Variants in RBFOX3 observed in about 807,000 individuals in gnomAD.
The protein encoded by RBFOX3 is RNA binding fox-1 homolog 3, also known as RNA binding protein fox-1 homolog 3.
A neutral mutation model predicts 48.7 loss-of-function variants in RBFOX3; 17 were observed. The ratio of observed to expected loss-of-function variants is 0.35; its 90% CI spans 0.24 to 0.52. The LOEUF (loss-of-function observed/expected upper bound fraction) is 0.52, where lower values mean the gene tolerates loss of function less well. RBFOX3 is among the 20% of genes least tolerant of loss of function. The pLI, the probability that RBFOX3 is intolerant of heterozygous loss-of-function variation, is 0.94. For synonymous variants in RBFOX3, 212 were observed against 209.5 expected, an observed-to-expected ratio of 1.01 and a Z score of -0.10; for missense variants, 382 against 497.5, an observed-to-expected ratio of 0.77 and a Z score of 2.21.
chr17:79,517,771 G>A (rs944411039), intron 1 of RBFOX3, among the ~76,000 whole-genome samples: 25 of 152,204 alleles, frequency 1.6e-4, no homozygotes, highest in African/African-American at 4.8e-4. Flanking sequence ...CGGTAACATC[G>A]ACGGAAACAT....
chr17:79,617,942 C>A, the RBFOX3 span, among the ~76,000 whole-genome samples: 1 of 152,244 alleles, frequency 6.6e-6, no homozygotes, highest in Non-Finnish European at 1.5e-5. Flanking sequence ...TGCGATGTCA[C>A]ATGTGCACCT....
intron 4 of RBFOX3, among the ~76,000 whole-genome samples, chr17:79,146,838 C>T (rs1276444777): frequency 6.6e-6 from 1 of 152,198 alleles, no homozygotes; most frequent in East Asian, 1.9e-4. Context: ...CTCAACCTCA[C>T]CATGAGGAGG....
intron 5 of RBFOX3, 69 bp from the exon 6 acceptor site, chr17:79,106,857 G>T: frequency 6.9e-7 from 1 of 1,448,506 alleles, no homozygotes; most frequent in Non-Finnish European, 9.0e-7. Flanking sequence ...TCTGCTAAAG[G>T]GTCGGCAGAG....
rs2055332791 is a variant in RBFOX3, at chr17:79,195,150, C to T, written c.-34+40616G>A. ...GTGGCTGATGCCTGTAATCCCGGCA[C>T]TTTGGGAGGCTGAGGCAGGTGGATC... On this transcript the variant is annotated intron_variant, in intron 4 of 14. Transcript: ENST00000693108. The surrounding 1 kb of genome is among the most constrained non-coding windows in gnomAD (Gnocchi z 5.3). 6.6e-6 allele frequency among the ~76,000 whole-genome samples: 1 copy of T among 152,096 alleles called. No homozygotes were observed. Among genetic ancestry groups the T allele is most frequent in the Non-Finnish European group, 1.5e-5 (1 of 68,032 alleles).
At chr17:79,499,973 G>A (rs1276720623) in intron 1 of RBFOX3, among the ~76,000 whole-genome samples, 1 of 152,220 alleles carries the variant, frequency 6.6e-6, no homozygotes, top group Non-Finnish European at 1.5e-5. Flanking sequence ...ATGAATCTGG[G>A]CCTGCCGTGG....
At chr17:79,164,121 G>T (rs1312752923) in intron 4 of RBFOX3, among the ~76,000 whole-genome samples, 1 of 152,200 alleles carries the variant, frequency 6.6e-6, no homozygotes, top group African/African-American at 2.4e-5. Flanking sequence ...CTCAAGGTTT[G>T]GGATGGGGGA....
intron 1 of RBFOX3, among the ~76,000 whole-genome samples, chr17:79,520,808 C>T (rs1022939665): frequency 2.8e-4 from 42 of 152,160 alleles, no homozygotes; most frequent in Non-Finnish European, 4.4e-5. Flanking sequence ...CAGCCTCCCC[C>T]GGCAGACACA....
the RBFOX3 span, among the ~76,000 whole-genome samples, chr17:79,629,911 C>A: frequency 6.6e-6 from 1 of 152,162 alleles, no homozygotes; most frequent in African/African-American, 2.4e-5. Context: ...ACTCCCCAGG[C>A]CTCCGAAGCA....
intron 2 of RBFOX3, among the ~76,000 whole-genome samples, chr17:79,442,102 C>T (rs572383964): frequency 2.2e-4 from 33 of 151,304 alleles, no homozygotes; most frequent in Admixed American, 3.9e-4. Context: ...TGACCATCCA[C>T]GGCCCTCTCC....
intron 4 of RBFOX3, among the ~76,000 whole-genome samples, chr17:79,206,753 G>A (rs1486899502): frequency 2.0e-5 from 3 of 152,132 alleles, no homozygotes; most frequent in Non-Finnish European, 2.9e-5. Flanking sequence ...CCTGCGCTGT[G>A]GGCTATGGCA....
In RBFOX3 at chr17:79,392,140, G is replaced by C. The variant is rs1035594817; in HGVS notation, c.-174-84316C>G. Among the ~76,000 whole-genome samples, 1 of 152,144 alleles carries C rather than the reference G, an allele frequency of 6.6e-6. No homozygotes were observed. The highest frequency in any genetic ancestry group is 6.5e-5 in the Admixed American group (1 of 15,280). ...CCTCAGCACCTTCCTCTGTGAAATG[G>C]AGCCAACAACAGCACATCACAGAGC... On this transcript the variant is annotated intron_variant, in intron 2 of 14. Coordinates refer to ENST00000693108, the MANE Select transcript of RBFOX3 (RefSeq NM_001350451.2). The surrounding 1 kb of genome is among the most constrained non-coding windows in gnomAD (Gnocchi z 5.0).
At chr17:79,527,422 G>A (rs1193001376) in intron 1 of RBFOX3, among the ~76,000 whole-genome samples, 1 of 152,226 alleles carries the variant, frequency 6.6e-6, no homozygotes, top group African/African-American at 2.4e-5. Context: ...AAAAGAACCT[G>A]GGGGAGCACG....
chr17:79,109,333 C>T (rs1200263845), intron 5 of RBFOX3, among the ~76,000 whole-genome samples: 5 of 152,176 alleles, frequency 3.3e-5, no homozygotes, highest in African/African-American at 1.2e-4. Context: ...GGATGACAGG[C>T]CTCCGGAGAC....
At chr17:79,306,378 C>G (rs1010470754) in intron 3 of RBFOX3, among the ~76,000 whole-genome samples, 15 of 152,262 alleles carry the variant, frequency 9.9e-5, no homozygotes, top group African/African-American at 3.6e-4. Flanking sequence ...ATGGCCCGCA[C>G]GCGTGTGACT....
chr17:79,415,605 C>T (rs8082300), intron 2 of RBFOX3, among the ~76,000 whole-genome samples: 5,942 of 152,294 alleles, frequency 0.039, 170 homozygotes, highest in South Asian at 0.082. Context: ...CTGGGGCCAC[C>T]AGGGCGGGCA....
intron 2 of RBFOX3, among the ~76,000 whole-genome samples, chr17:79,401,297 G>T (rs112732028): frequency 2.2e-4 from 33 of 152,320 alleles, no homozygotes; most frequent in African/African-American, 6.7e-4. Flanking sequence ...TGCTGCTCAC[G>T]CGCCCCACCA....
rs1022994524 is a variant in RBFOX3 at position 79,204,648 on chromosome 17, A to G, written c.-34+31118T>C. Reference sequence around the variant, plus strand: ...GACATTCCCTCCACTAAGGCAATAAAAAATGCAATTCTGGGGTGGGGGACC... The same window carrying G: ...GACATTCCCTCCACTAAGGCAATAAGAAATGCAATTCTGGGGTGGGGGACC... On this transcript the variant is annotated intron_variant, in intron 4 of 14. Coordinates refer to ENST00000693108, the MANE Select transcript of RBFOX3 (RefSeq NM_001350451.2). The surrounding 1 kb of genome is among the most constrained non-coding windows in gnomAD (Gnocchi z 4.5). Among the ~76,000 whole-genome samples, 1 of 152,126 alleles carries G rather than the reference A, an allele frequency of 6.6e-6. No homozygotes were observed. Among genetic ancestry groups the G allele is most frequent in the African/African-American group, 2.4e-5 (1 of 41,412 alleles).
intron 2 of RBFOX3, among the ~76,000 whole-genome samples, chr17:79,394,468 G>T (rs888579264): frequency 6.6e-6 from 1 of 152,070 alleles, no homozygotes; most frequent in African/African-American, 2.4e-5. Context: ...TCCACCCTAG[G>T]CCGGCACCCT....
At chr17:79,446,431 T>G (rs2072307504) in intron 2 of RBFOX3, among the ~76,000 whole-genome samples, 3 of 152,106 alleles carry the variant, frequency 2.0e-5, no homozygotes, top group African/African-American at 7.2e-5. Flanking sequence ...CCACCCCTAT[T>G]GAGGCAGGAG....
Sources: gnomAD v4.1 joint callset for allele counts (sites outside exome capture counted in the v4.1 genomes callset) on GRCh38, gnomAD v4.1.1 for gene constraint, Gnocchi (gnomAD v3.1) non-coding constraint, MANE v1.5 for transcripts, NCBI Gene and HGNC (gene_info 2026-07-23, HGNC 2026-07-21) for gene names.